The following PCDH7 variants were observed in gnomAD, a reference collection of about 807,000 sequenced individuals.
PCDH7 encodes protocadherin 7.
A neutral mutation model predicts 58.9 loss-of-function variants in PCDH7; 17 were observed. The observed-to-expected ratio is 0.29, with a 90% confidence interval of 0.20 to 0.43. The LOEUF (loss-of-function observed/expected upper bound fraction) is 0.43. PCDH7 is among the 20% of genes least tolerant of loss of function. PCDH7 has a pLI of 1.00. For missense variants in PCDH7, 1,274 were observed against 1,441.0 expected, an observed-to-expected ratio of 0.88 and a Z score of 1.88; for synonymous variants, 664 against 616.4, an observed-to-expected ratio of 1.08 and a Z score of -1.14.
chr4:30,936,035 T>C (rs1263103332), intron 2 of PCDH7, among the ~76,000 whole-genome samples: 1 of 151,854 alleles, frequency 6.6e-6, no homozygotes, highest in Non-Finnish European at 1.5e-5. Context: ...AAAGAAGCAC[T>C]AAAAAAGAAC....
At chr4:31,042,859 G>C (rs1448458272) in intron 3 of PCDH7, among the ~76,000 whole-genome samples, 1 of 152,024 alleles carries the variant, frequency 6.6e-6, no homozygotes, top group East Asian at 1.9e-4. Flanking sequence ...ATAAAGAAAA[G>C]AAACATATTT....
rs2631565 is a variant in PCDH7, at chr4:30,720,934, G to T, written c.-489G>T. 1 of 156,766 alleles carries T rather than the reference G, an allele frequency of 6.4e-6. No individual in the cohort carries two copies. The highest frequency in any genetic ancestry group is 1.4e-5 in the Non-Finnish European group (1 of 71,564). The allele number at this position is 156,766 out of a possible 1,614,324, so 9.7% of individuals were successfully genotyped here. ...TCAACTCGAGTAGCAGCAAAGACCA[G>T]CGGGCTGGCAGGCGGGGGAGGCTGC... On this transcript the variant is annotated 5_prime_UTR_variant, in exon 1 of 2. Transcript: ENST00000361762. This position sits in a 1 kb window ranked among gnomAD's most constrained non-coding sequence, Gnocchi z 4.7.
intron 1 of PCDH7, among the ~76,000 whole-genome samples, chr4:30,797,029 C>T (rs1286267568): frequency 1.3e-5 from 2 of 151,766 alleles, no homozygotes; most frequent in Non-Finnish European, 2.9e-5. Flanking sequence ...GGTGCGATCT[C>T]GGCTCACTGC....
chr4:31,112,432 C>T (rs1716441650), intron 3 of PCDH7, among the ~76,000 whole-genome samples: 1 of 152,206 alleles, frequency 6.6e-6, no homozygotes, highest in African/African-American at 2.4e-5. Flanking sequence ...ATTAGGACAG[C>T]AAATTTATAA....
At chr4:30,815,066 G>GCTGTAATACAGCTCAA (rs1727497653) in intron 1 of PCDH7, among the ~76,000 whole-genome samples, 2 of 151,942 alleles carry the variant, frequency 1.3e-5, no homozygotes, top group Admixed American at 6.6e-5. Context: ...TCAATTGTAA[G>GCTGTAATACAGCTCAA]TTATACAACG....
chr4:30,801,144 G>A (rs1410508347), intron 1 of PCDH7, among the ~76,000 whole-genome samples: 2 of 152,198 alleles, frequency 1.3e-5, no homozygotes, highest in Non-Finnish European at 2.9e-5. Flanking sequence ...TTGGTAGGTG[G>A]TTAGATGTTG....
At chr4:30,982,084 G>A (rs1448507767) in intron 3 of PCDH7, among the ~76,000 whole-genome samples, 1 of 152,126 alleles carries the variant, frequency 6.6e-6, no homozygotes, top group African/African-American at 2.4e-5. Context: ...CACAAAAAAC[G>A]ATAATTATGT....
At chr4:30,834,566 AC>A (rs1182137037) in intron 1 of PCDH7, among the ~76,000 whole-genome samples, 2 of 152,072 alleles carry the variant, frequency 1.3e-5, no homozygotes, top group East Asian at 3.9e-4. Context: ...ACTGTCTGGT[AC>A]ATGGTTAGCT....
intron 1 of PCDH7, among the ~76,000 whole-genome samples, chr4:30,766,803 G>A (rs1327572342): frequency 6.6e-6 from 1 of 151,970 alleles, no homozygotes; most frequent in Non-Finnish European, 1.5e-5. Context: ...TGTTACATCT[G>A]ATTTATTTGT....
At chr4:30,754,793 G>T (rs1182668438) in intron 1 of PCDH7, among the ~76,000 whole-genome samples, 1 of 151,936 alleles carries the variant, frequency 6.6e-6, no homozygotes, top group Non-Finnish European at 1.5e-5. Flanking sequence ...TAATTACATA[G>T]CTTAACAAGT....
chr4:30,859,209 CT>C (rs1055011548), intron 1 of PCDH7, among the ~76,000 whole-genome samples: 1 of 152,052 alleles, frequency 6.6e-6, no homozygotes, highest in African/African-American at 2.4e-5. Flanking sequence ...TCATCCTGGG[CT>C]TTTTCCTAGG....
intron 1 of PCDH7, among the ~76,000 whole-genome samples, chr4:30,868,012 A>G (rs781216853): frequency 4.6e-5 from 7 of 152,174 alleles, no homozygotes; most frequent in African/African-American, 7.2e-5. Flanking sequence ...AAGCCACATT[A>G]GTTATTATTA....
chr4:31,068,000 T>C (rs146630874), intron 3 of PCDH7, among the ~76,000 whole-genome samples: 7 of 152,138 alleles, frequency 4.6e-5, no homozygotes, highest in Admixed American at 1.3e-4. Context: ...ACAACAGTTA[T>C]GCATAGTTCC....
intron 2 of PCDH7, among the ~76,000 whole-genome samples, chr4:30,924,833 G>T (rs1247048853): frequency 6.6e-6 from 1 of 151,032 alleles, no homozygotes; most frequent in East Asian, 1.9e-4. Context: ...AAAAAGGTAG[G>T]AAATAATATA....
At chr4:30,940,284 G>C (rs1007110417) in intron 2 of PCDH7, among the ~76,000 whole-genome samples, 3 of 151,782 alleles carry the variant, frequency 2.0e-5, no homozygotes, top group Admixed American at 6.6e-5. Context: ...TTTCTGAACT[G>C]ATTTTGATTG....
intron 3 of PCDH7, among the ~76,000 whole-genome samples, chr4:31,108,073 A>T (rs1162418603): frequency 3.3e-5 from 5 of 152,072 alleles, no homozygotes; most frequent in Non-Finnish European, 7.4e-5. Flanking sequence ...AACTACAGAA[A>T]AGGACATTTC....
At chr4:30,939,488 A>C (rs1346085368) in intron 2 of PCDH7, among the ~76,000 whole-genome samples, 3 of 152,136 alleles carry the variant, frequency 2.0e-5, no homozygotes, top group Admixed American at 6.6e-5. Flanking sequence ...CAGCATAGTT[A>C]CTTTCTTTTA....
intron 3 of PCDH7, among the ~76,000 whole-genome samples, chr4:31,108,924 A>G (rs545543067): frequency 3.2e-4 from 49 of 151,968 alleles, no homozygotes; most frequent in Admixed American, 1.4e-3. Flanking sequence ...AGCCATAGTG[A>G]GCTGTTCTTG....
rs112274397 is a variant in PCDH7 at position 30,748,349 on chromosome 4, G to C, written c.70+23753G>C. 5.1e-3 allele frequency among the ~76,000 whole-genome samples: 769 copies of C among 152,248 alleles called. 6 individuals carry two copies. The highest frequency in any genetic ancestry group is 0.017 in the African/African-American group (719 of 41,548). The stretch of plus-strand genomic sequence containing the variant: ...TTCTGTGCTGTAACAGAATGCCACA[G>C]ACTGGGCAATTTATAAAGAAAAAAG... On this transcript the variant is annotated intron_variant, in intron 1 of 3. Coordinates refer to the PCDH7 transcript ENST00000509759.
Sources: allele counts gnomAD v4.1 joint callset (sites outside exome capture counted in the v4.1 genomes callset), GRCh38; gene constraint gnomAD v4.1.1; non-coding constraint Gnocchi (gnomAD v3.1); transcripts MANE v1.5; gene names NCBI Gene and HGNC (gene_info 2026-07-23, HGNC 2026-07-21).